The following CNTNAP5 variants were observed in gnomAD, a reference collection of about 807,000 sequenced individuals.
CNTNAP5 encodes the protein contactin associated protein family member 5, also known as contactin-associated protein-like 5.
CNTNAP5 carries 72 observed loss-of-function variants against 150.2 expected under a neutral mutation model. The ratio of observed to expected loss-of-function variants is 0.48; its 90% CI spans 0.40 to 0.58. The LOEUF is 0.58. Among genes scored for constraint, CNTNAP5 ranks in the 20% least tolerant of loss-of-function variants. The pLI is 0.00. For synonymous variants in CNTNAP5, 672 were observed against 619.8 expected, an observed-to-expected ratio of 1.08 and a Z score of -1.25; for missense variants, 1,636 against 1,626.2, an observed-to-expected ratio of 1.01 and a Z score of -0.10.
chr2:124,081,949 C>T (rs544950190), intron 1 of CNTNAP5, among the ~76,000 whole-genome samples: 2 of 152,164 alleles, frequency 1.3e-5, no homozygotes, highest in East Asian at 3.9e-4. Flanking sequence ...TACAAAATCC[C>T]CTATATTGCC....
At chr2:124,545,150 A>G (rs1383950073) in intron 10 of CNTNAP5, among the ~76,000 whole-genome samples, 1 of 152,202 alleles carries the variant, frequency 6.6e-6, no homozygotes, top group Non-Finnish European at 1.5e-5. Context: ...TAATCTAAAC[A>G]TAATCCATTT....
At chr2:124,431,989 C>T (rs1022281176) in intron 4 of CNTNAP5, among the ~76,000 whole-genome samples, 7 of 152,048 alleles carry the variant, frequency 4.6e-5, no homozygotes, top group African/African-American at 7.3e-5. Flanking sequence ...CACAAGGGAC[C>T]CCACCTGCCA....
intron 3 of CNTNAP5, among the ~76,000 whole-genome samples, chr2:124,359,088 G>C (rs1690114685): frequency 6.6e-6 from 1 of 151,746 alleles, no homozygotes; most frequent in South Asian, 2.1e-4. Context: ...TAGTTTATTT[G>C]CATAGAGGTG....
At chr2:124,810,194 C>T (rs1043405712) in intron 19 of CNTNAP5, among the ~76,000 whole-genome samples, 5 of 152,160 alleles carry the variant, frequency 3.3e-5, no homozygotes, top group South Asian at 2.1e-4. Context: ...AGCACCTTAA[C>T]GCAACACACA....
intron 3 of CNTNAP5, among the ~76,000 whole-genome samples, chr2:124,307,884 A>T (rs1688730475): frequency 6.6e-6 from 1 of 152,170 alleles, no homozygotes; most frequent in Non-Finnish European, 1.5e-5. Flanking sequence ...GCTGATTAGA[A>T]ATGCCAAATT....
intron 13 of CNTNAP5, among the ~76,000 whole-genome samples, chr2:124,721,198 G>A (rs1024951537): frequency 1.3e-5 from 2 of 152,148 alleles, no homozygotes; most frequent in African/African-American, 4.8e-5. Flanking sequence ...ATTAAATGCG[G>A]CTGGGCACTG....
intron 13 of CNTNAP5, among the ~76,000 whole-genome samples, chr2:124,665,755 G>A (rs890756640): frequency 5.3e-5 from 8 of 151,998 alleles, no homozygotes; most frequent in African/African-American, 1.9e-4. Flanking sequence ...GCGTGGTGGC[G>A]GGCACCTGTA....
chr2:124,797,895 T>C (rs1031132079), intron 18 of CNTNAP5, among the ~76,000 whole-genome samples: 59 of 152,224 alleles, frequency 3.9e-4, no homozygotes, highest in African/African-American at 1.2e-3. Flanking sequence ...TTGTAACCTA[T>C]GAGAGCATTA....
chr2:124,494,911 G>A lies in CNTNAP5; in HGVS notation c.1063-9381G>A, dbSNP rs72968707. Among the ~76,000 whole-genome samples the A allele has an allele frequency of 4.5e-3, 678 of 152,078 alleles. 2 individuals are homozygous for A. The highest frequency in any genetic ancestry group is 0.016 in the African/African-American group (643 of 41,470). ...GAAAACTGTTTAACTGAAACTCCTA[G>A]TATAAAGCTATACCTCTTTATTTTA... On this transcript the variant is annotated intron_variant, in intron 7 of 23. Coordinates refer to ENST00000682447, the MANE Select transcript of CNTNAP5 (RefSeq NM_001367498.1).
At chr2:124,181,965 C>A (rs1321805199) in intron 1 of CNTNAP5, among the ~76,000 whole-genome samples, 2 of 152,122 alleles carry the variant, frequency 1.3e-5, no homozygotes, top group Non-Finnish European at 2.9e-5. Flanking sequence ...AGATTCAAAG[C>A]TGGCACTGGG....
intron 1 of CNTNAP5, among the ~76,000 whole-genome samples, chr2:124,179,260 A>AG (rs1182639958): frequency 6.6e-6 from 1 of 152,082 alleles, no homozygotes; most frequent in African/African-American, 2.4e-5. Context: ...CCCAGGTTCA[A>AG]GCAATTCTCC....
At chr2:124,844,951 A>T (rs550600895) in intron 19 of CNTNAP5, among the ~76,000 whole-genome samples, 2 of 151,940 alleles carry the variant, frequency 1.3e-5, no homozygotes, top group Non-Finnish European at 2.9e-5. Context: ...TCCTCTTACC[A>T]ATTTGGATGC....
intron 3 of CNTNAP5, among the ~76,000 whole-genome samples, chr2:124,407,368 T>C (rs962780187): frequency 1.3e-5 from 2 of 152,214 alleles, no homozygotes; most frequent in Non-Finnish European, 2.9e-5. Context: ...GAAAGCTATT[T>C]TTTTGAGGGT....
chr2:124,317,038 C>CA (rs1688984496), intron 3 of CNTNAP5, among the ~76,000 whole-genome samples: 1 of 151,960 alleles, frequency 6.6e-6, no homozygotes, highest in Non-Finnish European at 1.5e-5. Context: ...GTTGAGCATG[C>CA]AGTGGGTGCT....
intron 1 of CNTNAP5, among the ~76,000 whole-genome samples, chr2:124,139,311 CA>C (rs201530244): frequency 0.011 from 1,714 of 151,416 alleles, 42 homozygotes; most frequent in African/African-American, 0.039. Flanking sequence ...TTTCAAGAGA[CA>C]AAAAAGCTCT....
chr2:124,068,084 G>A (rs964487438), intron 1 of CNTNAP5, among the ~76,000 whole-genome samples: 9 of 129,658 alleles, frequency 6.9e-5, no homozygotes, highest in Non-Finnish European at 1.3e-4. Flanking sequence ...CTTCAAGAAC[G>A]CTTTTAACTA....
chr2:124,841,683 G>T lies in CNTNAP5; in HGVS notation c.3218-23623G>T, dbSNP rs548321737. ...TTGAGTGTCATGGGAGAAAGTCTGT[G>T]TCTCCTTCTGTAGCCAGTGTCCACA... is the stretch of plus-strand genomic sequence containing the variant. On this transcript the variant is annotated intron_variant, in intron 19 of 23. Coordinates refer to ENST00000682447, the MANE Select transcript of CNTNAP5 (RefSeq NM_001367498.1). 2.6e-4 allele frequency among the ~76,000 whole-genome samples: 39 copies of T among 152,166 alleles called. No homozygotes were observed. In the East Asian group the frequency reaches 4.9e-3, roughly 19 times the overall value.
At chr2:124,355,875 G>A (rs1413324143) in intron 3 of CNTNAP5, among the ~76,000 whole-genome samples, 1 of 152,144 alleles carries the variant, frequency 6.6e-6, no homozygotes, top group Non-Finnish European at 1.5e-5. Flanking sequence ...CTGACCCTGT[G>A]AGCTCTGCTT....
chr2:124,569,363 A>T (rs564457268), intron 11 of CNTNAP5, among the ~76,000 whole-genome samples: 177 of 152,278 alleles, frequency 1.2e-3, no homozygotes, highest in African/African-American at 4.0e-3. Context: ...ATTCCAGATT[A>T]AAAAAAGAGA....
Sources: gnomAD v4.1 joint callset for allele counts (sites outside exome capture counted in the v4.1 genomes callset) on GRCh38, gnomAD v4.1.1 for gene constraint, MANE v1.5 for transcripts, NCBI Gene and HGNC (gene_info 2026-07-23, HGNC 2026-07-21) for gene names.